Variants in NRXN3 observed in about 807,000 individuals in gnomAD.
NRXN3 encodes neurexin 3.
A neutral mutation model predicts 137.6 loss-of-function variants in NRXN3; 32 were observed. The ratio of observed to expected loss-of-function variants is 0.23; its 90% confidence interval spans 0.18 to 0.31. The LOEUF (loss-of-function observed/expected upper bound fraction) is 0.31. NRXN3 is among the 10% of genes least tolerant of loss of function. NRXN3 has a pLI of 1.00. For missense variants in NRXN3, 1,574 were observed against 2,062.5 expected, an observed-to-expected ratio of 0.76 and a Z score of 4.59; for synonymous variants, 798 against 784.5, an observed-to-expected ratio of 1.02 and a Z score of -0.29.
At chr14:79,489,176 G>T (rs1182624798) in intron 16 of NRXN3, among the ~76,000 whole-genome samples, 1 of 152,130 alleles carries the variant, frequency 6.6e-6, no homozygotes, top group Non-Finnish European at 1.5e-5. Flanking sequence ...AAGCTGAGTT[G>T]TGTTGGCCTA....
chr14:78,773,712 C>T (rs1362155430), intron 8 of NRXN3, among the ~76,000 whole-genome samples: 1 of 152,116 alleles, frequency 6.6e-6, no homozygotes, highest in Non-Finnish European at 1.5e-5. Flanking sequence ...CTTCGCCAGC[C>T]TGAGAAACTA....
intron 15 of NRXN3, among the ~76,000 whole-genome samples, chr14:79,209,654 T>C (rs2067341902): frequency 6.6e-6 from 1 of 152,222 alleles, no homozygotes; most frequent in South Asian, 2.1e-4. Context: ...TATTACTTTA[T>C]TGCTTGTCTC....
intron 15 of NRXN3, among the ~76,000 whole-genome samples, chr14:79,264,177 C>T (rs926998242): frequency 6.6e-6 from 1 of 152,166 alleles, no homozygotes; most frequent in Non-Finnish European, 1.5e-5. Flanking sequence ...CAACTTCCGC[C>T]TCCCAGGTTC....
chr14:79,021,340 C>G (rs2099589322), intron 15 of NRXN3, among the ~76,000 whole-genome samples: 1 of 152,118 alleles, frequency 6.6e-6, no homozygotes, highest in South Asian at 2.1e-4. Context: ...TACTCTTCAG[C>G]CTGGTTTTGA....
chr14:78,811,684 C>T (rs1319376229), intron 10 of NRXN3, among the ~76,000 whole-genome samples: 3 of 152,134 alleles, frequency 2.0e-5, no homozygotes, highest in Non-Finnish European at 2.9e-5. Context: ...CTAGTTTAAA[C>T]TTCTTTCTTG....
chr14:79,740,118 G>A (rs992350478), intron 19 of NRXN3, among the ~76,000 whole-genome samples: 5 of 152,050 alleles, frequency 3.3e-5, no homozygotes, highest in Non-Finnish European at 5.9e-5. Context: ...TCTAGCCCCT[G>A]AGCTGAAACC....
intron 10 of NRXN3, among the ~76,000 whole-genome samples, chr14:78,944,947 T>A (rs933350265): frequency 3.9e-5 from 6 of 152,196 alleles, no homozygotes; most frequent in African/African-American, 1.4e-4. Context: ...ACATTATTTA[T>A]GTTTCTTATG....
intron 15 of NRXN3, among the ~76,000 whole-genome samples, chr14:79,434,757 G>C (rs1440695392): frequency 6.6e-6 from 1 of 152,210 alleles, no homozygotes; most frequent in African/African-American, 2.4e-5. Context: ...GCATGGGATA[G>C]AAGGATAATT....
chr14:78,410,938 C>T (rs2092790429), intron 4 of NRXN3, among the ~76,000 whole-genome samples: 1 of 152,144 alleles, frequency 6.6e-6, no homozygotes, highest in Admixed American at 6.5e-5. Context: ...AGATAGGCAG[C>T]TTGGTGGAGA....
chr14:79,763,323 A>G (rs546691027), intron 19 of NRXN3, among the ~76,000 whole-genome samples: 5 of 118,186 alleles, frequency 4.2e-5, no homozygotes, highest in Non-Finnish European at 7.6e-5. Context: ...TAGTGCTGCA[A>G]TAGACATACA....
intron 4 of NRXN3, among the ~76,000 whole-genome samples, chr14:78,611,568 T>A (rs2097301526): frequency 6.6e-6 from 1 of 152,194 alleles, no homozygotes; most frequent in African/African-American, 2.4e-5. Flanking sequence ...GAGGCAACCC[T>A]ATGAAGACAG....
chr14:78,899,962 G>T (rs1339224642), intron 10 of NRXN3, among the ~76,000 whole-genome samples: 1 of 151,228 alleles, frequency 6.6e-6, no homozygotes, highest in Non-Finnish European at 1.5e-5. Flanking sequence ...CTTCCTTCTG[G>T]TCTTCAAAAA....
intron 1 of NRXN3, among the ~76,000 whole-genome samples, chr14:78,208,262 T>A (rs2062400081): frequency 6.6e-6 from 1 of 152,184 alleles, no homozygotes; most frequent in Admixed American, 6.5e-5. Flanking sequence ...TAAATATATA[T>A]CCTTAGCTTG....
chr14:79,455,314 A>G (rs954557465), intron 15 of NRXN3, among the ~76,000 whole-genome samples: 2 of 152,186 alleles, frequency 1.3e-5, no homozygotes, highest in African/African-American at 4.8e-5. Flanking sequence ...ACCTTACCCT[A>G]TAATAGGAAC....
chr14:79,529,412 G>A (rs1187131154), intron 16 of NRXN3, among the ~76,000 whole-genome samples: 7 of 152,210 alleles, frequency 4.6e-5, no homozygotes, highest in Non-Finnish European at 7.3e-5. Context: ...CGGGCCTGGC[G>A]CCGGGCTGCC....
intron 15 of NRXN3, among the ~76,000 whole-genome samples, chr14:79,208,251 T>C (rs2067091588): frequency 6.6e-6 from 1 of 152,232 alleles, no homozygotes; most frequent in African/African-American, 2.4e-5. Flanking sequence ...TGATGATAAA[T>C]TTGGGGGTCA....
intron 15 of NRXN3, among the ~76,000 whole-genome samples, chr14:79,358,879 G>GA (rs1278099934): frequency 6.6e-6 from 1 of 152,054 alleles, no homozygotes; most frequent in African/African-American, 2.4e-5. Context: ...ACTTAAAAGA[G>GA]AAAAAATTAT....
intron 1 of NRXN3, among the ~76,000 whole-genome samples, chr14:78,195,040 A>G (rs1411593476): frequency 6.6e-6 from 1 of 151,650 alleles, no homozygotes; most frequent in Non-Finnish European, 1.5e-5. Context: ...CTGTGTGGGG[A>G]GGTTAATTAT....
At chr14:79,294,995 T>C (rs1033486043) in intron 15 of NRXN3, among the ~76,000 whole-genome samples, 12 of 151,968 alleles carry the variant, frequency 7.9e-5, no homozygotes, top group Non-Finnish European at 4.4e-5. Flanking sequence ...TCCCTCACCA[T>C]TGGAGCCATC....
Sources: allele counts gnomAD v4.1 joint callset (sites outside exome capture counted in the v4.1 genomes callset), GRCh38; gene constraint gnomAD v4.1.1; transcripts MANE v1.5; gene names NCBI Gene and HGNC (gene_info 2026-07-23, HGNC 2026-07-21).